The following BTBD8 variants were observed in gnomAD, a reference collection of about 807,000 sequenced individuals.
The protein encoded by BTBD8 is BTB domain containing 8, also known as BTB/POZ domain-containing protein 8.
In BTBD8, 110 loss-of-function variants were observed where a neutral mutation model predicts 162.9. That is an observed-to-expected ratio of 0.68 (90% CI 0.58 to 0.79). The LOEUF (loss-of-function observed/expected upper bound fraction) is 0.79. Ranked by LOEUF, BTBD8 falls within the 30% of genes least tolerant of loss-of-function variation. BTBD8 has a pLI of 0.00. For missense variants in BTBD8, 1,905 were observed against 2,085.4 expected, an observed-to-expected ratio of 0.91 and a Z score of 1.68; for synonymous variants, 667 against 716.1, an observed-to-expected ratio of 0.93 and a Z score of 1.10.
Position 92,087,662 on chromosome 1 carries a change from A to G in BTBD8, c.150-1036A>G, listed in dbSNP as rs115284733. Among the ~76,000 whole-genome samples the G allele has an allele frequency of 4.7e-3, 713 of 152,330 alleles. 5 individuals carry two copies. The highest frequency in any genetic ancestry group is 0.016 in the African/African-American group (685 of 41,572). On this transcript the variant is annotated intron_variant, in intron 1 of 17. Coordinates refer to ENST00000636805, the MANE Select transcript of BTBD8 (RefSeq NM_001376131.1). ...ATAATGATGCAATGACAGAAATGCT[A>G]TAATAGAGGTATGTACTGAATGTGA...
In BTBD8 at chr1:92,102,554, A is replaced by G. The variant is rs768903070; in HGVS notation, c.429A>G (p.Ser143=). 1 of 1,597,196 alleles carries G rather than the reference A, an allele frequency of 6.3e-7. No homozygotes were observed. The highest frequency in any genetic ancestry group is 1.7e-5 in the Admixed American group (1 of 58,262). ...LRKKIMEIGI[S]QKQLDISFPK... is the part of the protein sequence containing the mutation. The stretch of plus-strand genomic sequence containing the variant: ...AAAAGATAATGGAGATTGGGATATC[A>G]CAAAAGCAACTTGACATCAGTTTTC... The change falls in exon 3 of 18, where the codon TCA becomes TCG. Residue 143 remains serine (S), a synonymous_variant. Coordinates refer to ENST00000636805, the MANE Select transcript of BTBD8 (RefSeq NM_001376131.1).
In BTBD8 at chr1:92,180,712, C is replaced by G; in HGVS notation, c.3029C>G (p.Pro1010Arg). ...GAAGCACTCCAGTCATCCTGCAGGC[C>G]TGACCCACAAAAGCCATTAAACGAT... Reference protein sequence around the residue: ...DAEALQSSCRPDPQKPLNDQE... With the variant: ...DAEALQSSCRRDPQKPLNDQE... The change falls in exon 17 of 18, where the codon CCT (proline) becomes CGT (arginine). Residue 1010 changes from proline to arginine, a missense_variant. Pro to Arg is a moderately radical substitution (Grantham distance 103, BLOSUM62 -2). This residue lies in a region of BTBD8 where 1,374 missense variants were observed against 1,442.7 expected (regional missense o/e 0.95). Coordinates refer to ENST00000636805, the MANE Select transcript of BTBD8 (RefSeq NM_001376131.1). 1 of 1,551,634 alleles carries G rather than the reference C, an allele frequency of 6.4e-7. No individual in the cohort carries two copies. Among genetic ancestry groups the G allele is most frequent in the Non-Finnish European group, 8.7e-7 (1 of 1,146,978 alleles).
chr1:92,127,684 C>T (rs1480395302), intron 4 of BTBD8, among the ~76,000 whole-genome samples: 1 of 151,984 alleles, frequency 6.6e-6, no homozygotes, highest in Non-Finnish European at 1.5e-5. Context: ...AAGTGACTCT[C>T]CCGAGTAGCA....
At chr1:92,106,402 T>C (rs1648726756) in intron 3 of BTBD8, among the ~76,000 whole-genome samples, 1 of 151,996 alleles carries the variant, frequency 6.6e-6, no homozygotes. Context: ...GGCTCACGCC[T>C]GTAATCCCAG....
intron 2 of BTBD8, among the ~76,000 whole-genome samples, chr1:92,096,546 A>G (rs1648456714): frequency 7.0e-6 from 1 of 142,060 alleles, no homozygotes; most frequent in South Asian, 2.2e-4. Context: ...AATCACCTAT[A>G]TTTCCTTTTT....
At chr1:92,153,689 T>A (rs1003175952) in intron 9 of BTBD8, among the ~76,000 whole-genome samples, 1 of 152,244 alleles carries the variant, frequency 6.6e-6, no homozygotes, top group Non-Finnish European at 1.5e-5. Flanking sequence ...CAGAATTTCC[T>A]TCTTTTTAAA....
chr1:92,172,470 G>A (rs910695827), intron 13 of BTBD8, among the ~76,000 whole-genome samples: 8 of 152,150 alleles, frequency 5.3e-5, no homozygotes, highest in African/African-American at 1.4e-4. Flanking sequence ...CCACCCACAA[G>A]GTTATTTGGT....
At chr1:92,109,987 C>A (rs1375346863) in intron 4 of BTBD8, among the ~76,000 whole-genome samples, 2 of 152,092 alleles carry the variant, frequency 1.3e-5, no homozygotes, top group Non-Finnish European at 2.9e-5. Context: ...ATTTTTAAAA[C>A]CTTAGTTTGC....
At chr1:92,168,136 A>AT (rs142341466) in intron 11 of BTBD8, among the ~76,000 whole-genome samples, 151 bp downstream of exon 11, 2,376 of 152,262 alleles carry the variant, frequency 0.016, 73 homozygotes, top group African/African-American at 0.053. Flanking sequence ...TATGTTTGGA[A>AT]TTTTTTATAA....
chr1:92,120,360 G>C (rs541383436), intron 4 of BTBD8, among the ~76,000 whole-genome samples: 1 of 152,072 alleles, frequency 6.6e-6, no homozygotes, highest in South Asian at 2.1e-4. Context: ...GGGCAGTAAC[G>C]GACATGGAGC....
chr1:92,130,624 A>G (rs1377722233), intron 5 of BTBD8, among the ~76,000 whole-genome samples: 2 of 152,064 alleles, frequency 1.3e-5, no homozygotes, highest in African/African-American at 4.8e-5. Context: ...AACTTAAAGT[A>G]TCTCCAGTTA....
rs1366321004 is a variant in BTBD8, at chr1:92,153,094, A to C, written c.1122+5308A>C. Among the ~76,000 whole-genome samples the C allele has an allele frequency of 2.6e-5, 4 of 151,814 alleles. No individual in the cohort carries two copies. The South Asian group carries it at 6.3e-4, about 24-fold the overall frequency. The stretch of plus-strand genomic sequence containing the variant: ...AATAACCCCAGATTGGCCTTTTAGA[A>C]AATCTTATAATAGGTACATGCAATA... On this transcript the variant is annotated intron_variant, in intron 9 of 17. Coordinates refer to ENST00000636805, the MANE Select transcript of BTBD8 (RefSeq NM_001376131.1).
At chr1:92,157,932 T>C (rs966201578) in intron 9 of BTBD8, among the ~76,000 whole-genome samples, 1 of 152,348 alleles carries the variant, frequency 6.6e-6, no homozygotes, top group Admixed American at 6.5e-5. Context: ...GCAGGGTGCA[T>C]ATATGTTTAT....
At chr1:92,090,876 G>A (rs1211545141) in intron 2 of BTBD8, among the ~76,000 whole-genome samples, 1 of 152,168 alleles carries the variant, frequency 6.6e-6, no homozygotes, top group Non-Finnish European at 1.5e-5. Context: ...AGGTTGCAGT[G>A]AGCTGAGATT....
chr1:92,092,437 G>A (rs1648332653), intron 2 of BTBD8, among the ~76,000 whole-genome samples: 1 of 151,448 alleles, frequency 6.6e-6, no homozygotes, highest in African/African-American at 2.4e-5. Flanking sequence ...GAGAGCTTGT[G>A]TGCATACTTA....
At chr1:92,123,851 T>C (rs1019593252) in intron 4 of BTBD8, among the ~76,000 whole-genome samples, 1 of 151,518 alleles carries the variant, frequency 6.6e-6, no homozygotes, top group African/African-American at 2.4e-5. Flanking sequence ...GCAGACAGGA[T>C]TTCCTTTTGC....
chr1:92,148,063 G>A (rs1463884672), intron 9 of BTBD8, among the ~76,000 whole-genome samples: 3 of 152,130 alleles, frequency 2.0e-5, no homozygotes, highest in African/African-American at 4.8e-5. Flanking sequence ...AGGCTTATGC[G>A]TTGGCTCAGC....
chr1:92,102,766 A>G, intron 3 of BTBD8, 97 bp downstream of exon 3: 1 of 1,080,994 alleles, frequency 9.3e-7, no homozygotes, highest in Non-Finnish European at 1.2e-6. Context: ...TGCTTTACTG[A>G]TTTTTTTTTT....
At position 92,181,702 on chromosome 1, in the gene BTBD8, A is replaced by C. The variant is rs1329561181; in HGVS notation, c.4019A>C (p.Asp1340Ala). 6.4e-7 allele frequency: 1 copy of C among 1,551,644 alleles called. No homozygotes were observed. Among genetic ancestry groups the C allele is most frequent in the Admixed American group, 2.0e-5 (1 of 50,996 alleles). ...DLFQVNSTSD[D>A]EIPRKRPEIW... ...TTCCAAGTTAATTCAACGAGTGATG[A>C]TGAAATCCCTAGGAAAAGGCCAGAA... The change falls in exon 17 of 18, where the codon GAT becomes GCT. Residue 1340 changes from aspartate (D) to alanine (A), a missense_variant. Transcript: ENST00000636805.
Sources: gnomAD v4.1 joint callset for allele counts (sites outside exome capture counted in the v4.1 genomes callset) on GRCh38, gnomAD v4.1.1 for gene constraint, gnomAD v4.1.1 regional missense constraint, MANE v1.5 for transcripts, NCBI Gene and HGNC (gene_info 2026-07-23, HGNC 2026-07-21) for gene names.